The following SGMS1 variants were observed in gnomAD, a reference collection of about 807,000 sequenced individuals.
SGMS1 encodes the protein phosphatidylcholine:ceramide cholinephosphotransferase 1.
Under a neutral mutation model 46.2 loss-of-function variants are expected in SGMS1, and 13 were observed. The ratio of observed to expected loss-of-function variants is 0.28; its 90% confidence interval spans 0.18 to 0.45. The LOEUF (loss-of-function observed/expected upper bound fraction) is 0.45. Among genes scored for constraint, SGMS1 ranks in the 20% least tolerant of loss-of-function variants. The probability of loss-of-function intolerance (pLI) is 1.00; values close to 1 mark genes in which losing one functional copy is unlikely to be tolerated. For synonymous variants in SGMS1, 203 were observed against 187.8 expected (o/e 1.08, Z -0.66); for missense variants, 324 against 519.9 (o/e 0.62, Z 3.66).
At chr10:50,488,299 G>A (rs925504407) in intron 3 of SGMS1, among the ~76,000 whole-genome samples, 1 of 152,088 alleles carries the variant, frequency 6.6e-6, no homozygotes, top group East Asian at 1.9e-4. Flanking sequence ...ACAGTTGTGA[G>A]CCACTGCACT....
At chr10:50,472,481 A>T (rs1173747259) in intron 3 of SGMS1, among the ~76,000 whole-genome samples, 1 of 152,138 alleles carries the variant, frequency 6.6e-6, no homozygotes, top group African/African-American at 2.4e-5. Context: ...TGTTGTTGCA[A>T]ATGACAGAAT....
intron 4 of SGMS1, among the ~76,000 whole-genome samples, chr10:50,466,629 G>A (rs1378192789): frequency 6.6e-6 from 1 of 152,104 alleles, no homozygotes. Context: ...TATGTAAAGA[G>A]TTGGAAGAAA....
intron 5 of SGMS1, among the ~76,000 whole-genome samples, chr10:50,436,263 C>A (rs1287775618): frequency 2.6e-5 from 4 of 152,128 alleles, no homozygotes; most frequent in Admixed American, 2.0e-4. Context: ...CGCCACCATG[C>A]CCGGCTAATT....
chr10:50,559,933 A>G (rs1289562935), intron 2 of SGMS1, among the ~76,000 whole-genome samples: 3 of 152,084 alleles, frequency 2.0e-5, no homozygotes, highest in African/African-American at 7.2e-5. Flanking sequence ...TTAAAATAGA[A>G]GAAAGGAAAT....
At chr10:50,372,695 A>AAAAACCAAAAAAC (rs1554930411) in intron 6 of SGMS1, among the ~76,000 whole-genome samples, 1 of 150,826 alleles carries the variant, frequency 6.6e-6, no homozygotes, top group Non-Finnish European at 1.5e-5. Context: ...TCTGTCTCAA[A>AAAAACCAAAAAAC]AAAAAACAAA....
chr10:50,342,120 A>C (rs1376324919), intron 7 of SGMS1: 2 of 152,256 alleles, frequency 1.3e-5, no homozygotes, highest in African/African-American at 4.8e-5. Flanking sequence ...GCCTTTGTAC[A>C]GTACTGGTAT....
At chr10:50,400,892 C>T (rs552736578) in intron 6 of SGMS1, among the ~76,000 whole-genome samples, 41 of 152,270 alleles carry the variant, frequency 2.7e-4, no homozygotes, top group South Asian at 1.5e-3. Flanking sequence ...ACATCAAGGC[C>T]GGAGGGTTCC....
rs577102744 is a variant in SGMS1 at position 50,354,590 on chromosome 10, T to C, written c.-231-10245A>G. On this transcript the variant is annotated intron_variant, in intron 6 of 10. Transcript: ENST00000361781. ...GGTAACAAAAGCCAAAATTGACAAA[T>C]AGGATCTAATTAAACTAAAGAGCTT... Among the ~76,000 whole-genome samples the C allele has an allele frequency of 2.6e-5, 4 of 152,104 alleles. No homozygotes were observed. In the East Asian group the frequency reaches 7.7e-4, roughly 29 times the overall value.
chr10:50,334,093 A>T (rs1431189276), intron 7 of SGMS1, among the ~76,000 whole-genome samples: 1 of 152,180 alleles, frequency 6.6e-6, no homozygotes, highest in East Asian at 1.9e-4. Flanking sequence ...AATGAAATTA[A>T]AATGTTACTT....
chr10:50,326,590 A>T (rs1157787258), intron 8 of SGMS1, among the ~76,000 whole-genome samples: 1 of 152,230 alleles, frequency 6.6e-6, no homozygotes, highest in Non-Finnish European at 1.5e-5. Flanking sequence ...CAGAGTTCCA[A>T]CGATCACCCT....
intron 6 of SGMS1, among the ~76,000 whole-genome samples, chr10:50,411,307 T>A (rs1019914635): frequency 1.3e-5 from 2 of 152,250 alleles, no homozygotes; most frequent in East Asian, 3.8e-4. Context: ...ATTGTTCCAC[T>A]CCACCTTGAC....
intron 5 of SGMS1, among the ~76,000 whole-genome samples, chr10:50,438,700 A>C (rs988322936): frequency 6.6e-6 from 1 of 152,180 alleles, no homozygotes; most frequent in African/African-American, 2.4e-5. Flanking sequence ...TGATGTCACC[A>C]CATGTCCTTC....
intron 6 of SGMS1, among the ~76,000 whole-genome samples, chr10:50,426,393 G>A (rs1448216204): frequency 1.3e-5 from 2 of 152,144 alleles, no homozygotes; most frequent in Middle Eastern, 3.2e-3. Flanking sequence ...AAATCTGGTT[G>A]TGCAGTATTT....
At chr10:50,364,653 T>C (rs565339566) in intron 6 of SGMS1, among the ~76,000 whole-genome samples, 2 of 152,192 alleles carry the variant, frequency 1.3e-5, no homozygotes, top group Non-Finnish European at 2.9e-5. Flanking sequence ...ACTAAAGAAG[T>C]GATGAGAACA....
chr10:50,575,030 T>C (rs891361538), intron 2 of SGMS1, among the ~76,000 whole-genome samples: 5 of 141,264 alleles, frequency 3.5e-5, no homozygotes, highest in African/African-American at 1.2e-4. Flanking sequence ...AATTCAACCA[T>C]GTGAAACAAC....
At chr10:50,543,002 T>G (rs1030517348) in intron 2 of SGMS1, among the ~76,000 whole-genome samples, 1 of 152,166 alleles carries the variant, frequency 6.6e-6, no homozygotes, top group Non-Finnish European at 1.5e-5. Flanking sequence ...AGTGTCTATA[T>G]GATAGCTCTT....
chr10:50,583,975 T>C (rs1460815624), intron 2 of SGMS1, among the ~76,000 whole-genome samples: 1 of 152,160 alleles, frequency 6.6e-6, no homozygotes, highest in African/African-American at 2.4e-5. Context: ...ATCTGGCCTA[T>C]CAAAAAATTT....
At chr10:50,377,774 C>G (rs1848540255) in intron 6 of SGMS1, among the ~76,000 whole-genome samples, 1 of 152,162 alleles carries the variant, frequency 6.6e-6, no homozygotes, top group South Asian at 2.1e-4. Flanking sequence ...TCTGGAGGCC[C>G]TGGGAAAGAA....
chr10:50,546,402 G>C (rs958929829), intron 2 of SGMS1, among the ~76,000 whole-genome samples: 1 of 152,066 alleles, frequency 6.6e-6, no homozygotes, highest in African/African-American at 2.4e-5. Flanking sequence ...AAATCATGCT[G>C]CTATAAAGAC....
Sources: gnomAD v4.1 joint callset for allele counts (sites outside exome capture counted in the v4.1 genomes callset) on GRCh38, gnomAD v4.1.1 for gene constraint, MANE v1.5 for transcripts, NCBI Gene and HGNC (gene_info 2026-07-23, HGNC 2026-07-21) for gene names.